The following LRBA variants were observed in gnomAD, a reference collection of about 807,000 sequenced individuals.
LRBA encodes LPS responsive beige-like anchor protein.
Under a neutral mutation model 330.0 loss-of-function variants are expected in LRBA, and 176 were observed. The ratio of observed to expected loss-of-function variants is 0.53; its 90% CI spans 0.47 to 0.60. The LOEUF is 0.60. LRBA is among the 20% of genes least tolerant of loss of function. The probability of loss-of-function intolerance (pLI) is 0.00; values close to 1 mark genes in which losing one functional copy is unlikely to be tolerated. For synonymous variants in LRBA, 1,230 were observed against 1,193.0 expected (o/e 1.03, Z -0.64); for missense variants, 3,259 against 3,444.8 (o/e 0.95, Z 1.35).
In LRBA at chr4:150,856,628, T is replaced by C. The variant is rs79326773; in HGVS notation, c.2767-3685A>G. On this transcript the variant is annotated intron_variant, in intron 22 of 56. Coordinates refer to ENST00000651943, the MANE Select transcript of LRBA (RefSeq NM_001364905.1). ...TTTGGTTTTTAAATTTGCCCTTAATTTAATTCATCCAATGGTCTAAAAGCT... is the reference window on the plus strand; with the variant it reads ...TTTGGTTTTTAAATTTGCCCTTAATCTAATTCATCCAATGGTCTAAAAGCT... 4.2e-3 allele frequency among the ~76,000 whole-genome samples: 635 copies of C among 152,330 alleles called. 3 individuals are homozygous for C. The highest frequency in any genetic ancestry group is 0.015 in the African/African-American group (614 of 41,578).
Position 150,711,097 on chromosome 4 carries a change from T to C in LRBA, c.5754+24161A>G, listed in dbSNP as rs114281536. Among the ~76,000 whole-genome samples the C allele has an allele frequency of 5.8e-3, 887 of 151,960 alleles. 9 individuals are homozygous for C. The highest frequency in any genetic ancestry group is 0.02 in the African/African-American group (834 of 41,452). On this transcript the variant is annotated intron_variant, in intron 36 of 56. Transcript: ENST00000651943. ...CAGTATGAACCCCAATGAAAAAAAA[T>C]TGCCTTACCTGAATATCTTATTAAC...
chr4:150,267,120 C>T (rs566673412), intron 56 of LRBA, among the ~76,000 whole-genome samples: 4 of 152,060 alleles, frequency 2.6e-5, no homozygotes, highest in Non-Finnish European at 5.9e-5. Flanking sequence ...ACCCCACTTT[C>T]AATAATGGGT....
chr4:150,448,281 C>T (rs1486861386), intron 44 of LRBA, among the ~76,000 whole-genome samples: 1 of 152,184 alleles, frequency 6.6e-6, no homozygotes, highest in East Asian at 1.9e-4. Context: ...TAATGCAGTT[C>T]TACCTTCATA....
intron 40 of LRBA, among the ~76,000 whole-genome samples, chr4:150,576,421 C>T (rs1770555953): frequency 6.6e-6 from 1 of 151,862 alleles, no homozygotes; most frequent in Non-Finnish European, 1.5e-5. Context: ...CTAAAAAATA[C>T]TTGCTGAATT....
intron 56 of LRBA, among the ~76,000 whole-genome samples, chr4:150,271,101 A>G (rs1580851852): frequency 6.6e-6 from 1 of 152,134 alleles, no homozygotes; most frequent in South Asian, 2.1e-4. Flanking sequence ...TGGAAGCACA[A>G]GGGGTCGGGG....
chr4:150,776,424 A>C (rs1737338729), intron 34 of LRBA, among the ~76,000 whole-genome samples: 2 of 152,234 alleles, frequency 1.3e-5, no homozygotes, highest in African/African-American at 4.8e-5. Context: ...ATCACGGGGA[A>C]GAGGGGGAAA....
intron 34 of LRBA, among the ~76,000 whole-genome samples, chr4:150,781,178 C>T (rs941829713): frequency 4.7e-4 from 71 of 152,190 alleles, no homozygotes; most frequent in African/African-American, 1.6e-3. Context: ...CACGCCCGGC[C>T]GTGCATTTTA....
chr4:150,430,534 TAG>T (rs1202236134), intron 46 of LRBA, among the ~76,000 whole-genome samples: 1 of 152,146 alleles, frequency 6.6e-6, no homozygotes, highest in East Asian at 1.9e-4. Context: ...TGTTTTACTG[TAG>T]GTATCTCCTC....
intron 52 of LRBA, among the ~76,000 whole-genome samples, chr4:150,305,988 A>C (rs1730306769): frequency 6.7e-6 from 1 of 149,770 alleles, no homozygotes; most frequent in Non-Finnish European, 1.5e-5. Context: ...ACCTCTCCAC[A>C]CACTAATATC....
At chr4:150,581,984 G>A (rs1771419849) in intron 40 of LRBA, 1 of 146,414 alleles carries the variant, frequency 6.8e-6, no homozygotes, top group Admixed American at 6.9e-5. Flanking sequence ...GAGGAAAGAA[G>A]AGAGAGCGAG....
At chr4:150,470,578 A>C (rs1755976749) in intron 43 of LRBA, among the ~76,000 whole-genome samples, 1 of 152,004 alleles carries the variant, frequency 6.6e-6, no homozygotes, top group African/African-American at 2.4e-5. Context: ...AAACTCTGAT[A>C]CCTTAACTAG....
chr4:150,580,295 G>GT (rs70941416), intron 40 of LRBA: 68,238 of 151,236 alleles, frequency 0.45, 15,891 homozygotes, highest in Admixed American at 0.52. Context: ...ATCCGAGATA[G>GT]TTTTTTTTTA....
chr4:150,518,935 C>T (rs947475082), intron 40 of LRBA, among the ~76,000 whole-genome samples: 4 of 152,214 alleles, frequency 2.6e-5, no homozygotes, highest in Admixed American at 1.3e-4. Context: ...GACCGGTATC[C>T]TTAAATGCCT....
intron 37 of LRBA, among the ~76,000 whole-genome samples, chr4:150,678,996 T>TA (rs781341081): frequency 4.8e-4 from 72 of 149,128 alleles, no homozygotes; most frequent in East Asian, 1.4e-3. Context: ...ACTTATTTAG[T>TA]AAAAAAAAAA....
At chr4:150,727,408 G>T (rs1196244146) in intron 36 of LRBA, among the ~76,000 whole-genome samples, 1 of 152,032 alleles carries the variant, frequency 6.6e-6, no homozygotes, top group Non-Finnish European at 1.5e-5. Flanking sequence ...AGTAGCTACA[G>T]AATACACATT....
At chr4:150,415,182 G>A (rs922373326) in intron 47 of LRBA, among the ~76,000 whole-genome samples, 5 of 150,274 alleles carry the variant, frequency 3.3e-5, no homozygotes, top group African/African-American at 5.0e-5. Context: ...TCTAACTTTC[G>A]CTTAAAATTT....
intron 5 of LRBA, 64 bp from the exon 6 acceptor site, chr4:150,916,802 A>G (rs897597383): frequency 1.1e-5 from 14 of 1,313,670 alleles, no homozygotes; most frequent in Non-Finnish European, 1.2e-5. Context: ...AATCATGAAA[A>G]TAAGACTTTG....
intron 40 of LRBA, among the ~76,000 whole-genome samples, chr4:150,573,530 G>C (rs1285527473): frequency 6.6e-6 from 1 of 152,108 alleles, no homozygotes; most frequent in African/African-American, 2.4e-5. Context: ...TAATATAGCA[G>C]ATAGACTGAC....
intron 47 of LRBA, among the ~76,000 whole-genome samples, chr4:150,403,863 T>A (rs1451642881): frequency 6.6e-6 from 1 of 152,074 alleles, no homozygotes; most frequent in Non-Finnish European, 1.5e-5. Flanking sequence ...AAACCCGGTC[T>A]CTACTAAAAA....
Sources: gnomAD v4.1 joint callset for allele counts (sites outside exome capture counted in the v4.1 genomes callset) on GRCh38, gnomAD v4.1.1 for gene constraint, MANE v1.5 for transcripts, NCBI Gene and HGNC (gene_info 2026-07-23, HGNC 2026-07-21) for gene names.